ATP10A: variants seen among roughly 807,000 people sequenced by gnomAD.
ATP10A encodes phospholipid-transporting ATPase VA.
Under a neutral mutation model 147.8 loss-of-function variants are expected in ATP10A, and 111 were observed. The observed-to-expected ratio is 0.75, with a 90% CI of 0.64 to 0.88. ATP10A has a LOEUF of 0.88. Among genes scored for constraint, ATP10A ranks in the 40% least tolerant of loss-of-function variants. The pLI, the probability that ATP10A is intolerant of heterozygous loss-of-function variation, is 0.00. For synonymous variants in ATP10A, 875 were observed against 841.6 expected, an observed-to-expected ratio of 1.04 and a Z score of -0.69; for missense variants, 1,927 against 1,959.0, an observed-to-expected ratio of 0.98 and a Z score of 0.31.
At chr15:25,749,060 C>CAAA (rs1171259548) in intron 2 of ATP10A, among the ~76,000 whole-genome samples, 22 of 67,440 alleles carry the variant, frequency 3.3e-4, no homozygotes, top group East Asian at 4.7e-4. Context: ...GAGACTCTGT[C>CAAA]AAAAAAAAAA....
intron 1 of ATP10A, among the ~76,000 whole-genome samples, chr15:25,805,705 AT>A (rs1002336343): frequency 7.9e-5 from 12 of 152,086 alleles, no homozygotes; most frequent in Admixed American, 2.0e-4. Context: ...AGGCTGTGCT[AT>A]TTTTTTCCCC....
intron 1 of ATP10A, among the ~76,000 whole-genome samples, chr15:25,825,123 G>A (rs1336522192): frequency 6.6e-6 from 1 of 152,178 alleles, no homozygotes; most frequent in Admixed American, 6.5e-5. Context: ...TAGTTGACCA[G>A]GCTGCTTTTC....
At chr15:25,738,380 C>T (rs1281823544) in intron 2 of ATP10A, 3 of 152,376 alleles carry the variant, frequency 2.0e-5, no homozygotes, top group African/African-American at 7.2e-5. Context: ...GGAAGCAGTT[C>T]TACAGATGGA....
chr15:25,730,496 A>C (rs1395762642), intron 3 of ATP10A, among the ~76,000 whole-genome samples: 1 of 152,106 alleles, frequency 6.6e-6, no homozygotes, highest in Non-Finnish European at 1.5e-5. Flanking sequence ...ATGGGGCCTC[A>C]TGGCAGTGAC....
intron 2 of ATP10A, among the ~76,000 whole-genome samples, chr15:25,743,240 G>A (rs1340365899): frequency 2.0e-5 from 3 of 152,170 alleles, no homozygotes; most frequent in East Asian, 1.9e-4. Context: ...AACCTCTTGC[G>A]CTAATCTGGG....
rs141512994 is a variant in ATP10A at position 25,744,037 on chromosome 15, T to A, written c.655-7896A>T. ...CCACTATTCTGTCTACTATAAAACC[T>A]ACCAAGAGAGGGGCCTGATAAACAC... On this transcript the variant is annotated intron_variant, in intron 2 of 20. Coordinates refer to ENST00000555815, the MANE Select transcript of ATP10A (RefSeq NM_024490.4). Among the ~76,000 whole-genome samples the A allele has an allele frequency of 1.6e-3, 239 of 152,200 alleles. 3 individuals carry two copies. The East Asian group carries it at 0.035, about 22-fold the overall frequency.
chr15:25,726,369 A>G (rs1231794626), intron 4 of ATP10A, among the ~76,000 whole-genome samples: 4 of 152,182 alleles, frequency 2.6e-5, no homozygotes, highest in Admixed American at 2.6e-4. Context: ...GGTACTATTC[A>G]AAGAATTTTT....
intron 1 of ATP10A, among the ~76,000 whole-genome samples, chr15:25,841,948 T>A (rs543558844): frequency 1.3e-5 from 2 of 152,252 alleles, no homozygotes; most frequent in South Asian, 4.1e-4. Context: ...TGTAAGAGGT[T>A]TTGTTTTGGG....
downstream of ATP10A, among the ~76,000 whole-genome samples, chr15:25,674,064 G>A (rs1276470147): frequency 1.3e-5 from 2 of 152,216 alleles, no homozygotes; most frequent in Non-Finnish European, 2.9e-5. Context: ...TGAAAAGAAC[G>A]TGATGGCAAG....
intron 1 of ATP10A, among the ~76,000 whole-genome samples, chr15:25,796,706 C>T (rs28624477): frequency 0.36 from 54,838 of 152,122 alleles, 10,628 homozygotes; most frequent in Non-Finnish European, 0.43. Context: ...TGGGCAGGTG[C>T]TACCTGCCTG....
chr15:25,776,261 T>G (rs1285278194), intron 2 of ATP10A, among the ~76,000 whole-genome samples: 1 of 152,134 alleles, frequency 6.6e-6, no homozygotes, highest in Non-Finnish European at 1.5e-5. Context: ...TGCACGAATG[T>G]GCAGGTGAGA....
chr15:25,771,646 A>C (rs1289513267), intron 2 of ATP10A, among the ~76,000 whole-genome samples: 1 of 152,152 alleles, frequency 6.6e-6, no homozygotes, highest in Admixed American at 6.5e-5. Context: ...CACCAACTGA[A>C]GTCTCACAGG....
At chr15:25,751,680 A>T (rs1158259646) in intron 2 of ATP10A, among the ~76,000 whole-genome samples, 2 of 152,182 alleles carry the variant, frequency 1.3e-5, no homozygotes, top group Non-Finnish European at 2.9e-5. Context: ...ACAGCAAAAG[A>T]ACAATTAACA....
chr15:25,817,453 A>C (rs1335520790), intron 1 of ATP10A, among the ~76,000 whole-genome samples: 3 of 152,362 alleles, frequency 2.0e-5, no homozygotes, highest in Admixed American at 1.3e-4. Flanking sequence ...TCAGTTTAAT[A>C]AATCAATTTC....
intron 12 of ATP10A, among the ~76,000 whole-genome samples, chr15:25,705,455 AAAAAAAAAAAAC>A (rs56363521): frequency 0.54 from 32,348 of 59,928 alleles, 4,448 homozygotes; most frequent in Admixed American, 0.56. Context: ...AAAAAAAAAC[AAAAAAAAAAAAC>A]AAAAAAAATC....
At chr15:25,819,935 G>A (rs984213385) in intron 1 of ATP10A, among the ~76,000 whole-genome samples, 15 of 152,000 alleles carry the variant, frequency 9.9e-5, no homozygotes, top group Admixed American at 3.3e-4. Context: ...GGGGGAGGGC[G>A]GAAGGAGGTG....
intron 2 of ATP10A, among the ~76,000 whole-genome samples, chr15:25,741,918 A>G (rs1043511027): frequency 2.0e-5 from 3 of 152,248 alleles, no homozygotes; most frequent in Admixed American, 2.0e-4. Flanking sequence ...CGTACAAGGA[A>G]ACTTAACTCA....
At chr15:25,770,579 G>T (rs888429334) in intron 2 of ATP10A, among the ~76,000 whole-genome samples, 1 of 152,202 alleles carries the variant, frequency 6.6e-6, no homozygotes, top group Non-Finnish European at 1.5e-5. Context: ...AGGGAGTAGT[G>T]GGGGTAGTCA....
intron 1 of ATP10A, among the ~76,000 whole-genome samples, chr15:25,836,924 A>G (rs1596978933): frequency 1.3e-5 from 2 of 152,242 alleles, no homozygotes; most frequent in South Asian, 4.2e-4. Flanking sequence ...TCCACACACC[A>G]CCTGCCATGG....
Sources: gnomAD v4.1 joint callset for allele counts (sites outside exome capture counted in the v4.1 genomes callset) on GRCh38, gnomAD v4.1.1 for gene constraint, MANE v1.5 for transcripts, NCBI Gene and HGNC (gene_info 2026-07-23, HGNC 2026-07-21) for gene names.